Variants in TTLL9 observed in about 807,000 individuals in gnomAD.
TTLL9 encodes the protein tubulin tyrosine ligase like 9.
Under a neutral mutation model 65.6 loss-of-function variants are expected in TTLL9, and 47 were observed. The ratio of observed to expected loss-of-function variants is 0.72; its 90% CI spans 0.57 to 0.91. TTLL9 has a LOEUF of 0.91. Among genes scored for constraint, TTLL9 ranks in the 40% least tolerant of loss-of-function variants. The pLI is 0.00. For missense variants in TTLL9, 537 were observed against 568.8 expected (o/e 0.94, Z 0.57); for synonymous variants, 179 against 204.8 (o/e 0.87, Z 1.07).
In TTLL9 at chr20:31,870,888, C is replaced by T. The variant is rs755741617; in HGVS notation, c.-67C>T. 2.4e-5 allele frequency: 13 copies of T among 552,090 alleles called. No homozygotes were observed. Among genetic ancestry groups the T allele is most frequent in the Admixed American group, 6.5e-5 (2 of 30,668 alleles). The allele number at this position is 552,090 out of a possible 1,614,324, so 34.2% of individuals were successfully genotyped here. A position where few individuals can be genotyped will look rare whatever the true frequency, so the allele number is the denominator to read the frequency against. On this transcript the variant is annotated 5_prime_UTR_variant, in exon 1 of 15. In the 5' UTR this introduces an upstream ATG that the reference lacks. Transcript: ENST00000535842. This position sits in a 1 kb window ranked among gnomAD's most constrained non-coding sequence, Gnocchi z 6.6. ...GCCTCGGCTTCTAGCAGAAACGTGA[C>T]GGGGCTGGACTTTGATCGCCGAGGG...
Position 31,925,363 on chromosome 20 carries a change from A to G in TTLL9, c.705+314A>G, listed in dbSNP as rs189758357. On this transcript the variant is annotated intron_variant, in intron 9 of 14. Transcript: ENST00000535842. Reference sequence around the variant, plus strand: ...GCACTTAGCAGGTTTTATCTCATTCAGGCCTCCTAATAACCCAGGGAGGCA... The same window carrying G: ...GCACTTAGCAGGTTTTATCTCATTCGGGCCTCCTAATAACCCAGGGAGGCA... 2.4e-4 allele frequency among the ~76,000 whole-genome samples: 36 copies of G among 152,304 alleles called. No individual in the cohort carries two copies. In the East Asian group the frequency reaches 5.6e-3, roughly 24 times the overall value.
In TTLL9 at chr20:31,896,237, C is replaced by G. The variant is rs376553867; in HGVS notation, c.114-2236C>G. Among the ~76,000 whole-genome samples the G allele has an allele frequency of 2.0e-4, 30 of 152,130 alleles. 1 individual carries two copies. The highest frequency in any genetic ancestry group is 3.5e-4 in the Non-Finnish European group (24 of 68,006). Reference sequence around the variant, plus strand: ...AAATGATCTGCCCGCCTCAGCCTCCCGAAGAGCTGGGATTATAGGCGTGAG... The same window carrying G: ...AAATGATCTGCCCGCCTCAGCCTCCGGAAGAGCTGGGATTATAGGCGTGAG... On this transcript the variant is annotated intron_variant, in intron 3 of 14. Coordinates refer to ENST00000535842, the MANE Select transcript of TTLL9 (RefSeq NM_001008409.5).
intron 10 of TTLL9, among the ~76,000 whole-genome samples, chr20:31,930,021 G>A (rs141584844): frequency 3.3e-5 from 5 of 152,084 alleles, no homozygotes; most frequent in East Asian, 1.9e-4. Flanking sequence ...CCAGCTACTC[G>A]GGAGGCTGAG....
At chr20:31,941,190 C>T (rs1217302865) in intron 14 of TTLL9, 2 of 146,658 alleles carry the variant, frequency 1.4e-5, no homozygotes, top group Non-Finnish European at 3.0e-5. Flanking sequence ...GCACTCCAGC[C>T]TGGGCGACAG....
chr20:31,895,943 G>A (rs996105006), intron 3 of TTLL9, among the ~76,000 whole-genome samples: 1 of 151,818 alleles, frequency 6.6e-6, no homozygotes. Context: ...GGGTTCAAGC[G>A]ATTCTCCTGC....
intron 14 of TTLL9, chr20:31,941,105 T>C (rs113723068): frequency 2.6e-5 from 4 of 151,668 alleles, no homozygotes; most frequent in Non-Finnish European, 5.9e-5. Context: ...TGTAGTCAGC[T>C]ACTCGGGAGG....
At chr20:31,925,862 C>T (rs1349111395) in intron 9 of TTLL9, 187 bp from the exon 10 acceptor site, 15 of 1,551,412 alleles carry the variant, frequency 9.7e-6, no homozygotes, top group Non-Finnish European at 1.3e-5. Flanking sequence ...CTCTTCCCAC[C>T]TCTGCCTTAG....
chr20:31,892,253 C>T (rs147176560), intron 3 of TTLL9, among the ~76,000 whole-genome samples: 107 of 151,254 alleles, frequency 7.1e-4, no homozygotes, highest in African/African-American at 2.4e-3. Flanking sequence ...GATCTCAGCT[C>T]ACTGCAAACT....
intron 4 of TTLL9, among the ~76,000 whole-genome samples, chr20:31,905,245 G>GT (rs368476632): frequency 2.9e-4 from 44 of 150,972 alleles, no homozygotes; most frequent in East Asian, 9.7e-4. Flanking sequence ...TAGTTTTTGT[G>GT]TTTTTTTTTA....
At chr20:31,899,843 C>A (rs945129885) in intron 4 of TTLL9, among the ~76,000 whole-genome samples, 2 of 151,942 alleles carry the variant, frequency 1.3e-5, no homozygotes, top group Non-Finnish European at 2.9e-5. Flanking sequence ...CGGCTCACTG[C>A]AAGCTCCACC....
intron 6 of TTLL9, among the ~76,000 whole-genome samples, chr20:31,914,916 G>A (rs2063711280): frequency 6.6e-6 from 1 of 152,204 alleles, no homozygotes; most frequent in African/African-American, 2.4e-5. Context: ...CTCTGTTGGA[G>A]GCCTGCAAGG....
chr20:31,894,291 A>G, intron 3 of TTLL9, among the ~76,000 whole-genome samples: 1 of 151,700 alleles, frequency 6.6e-6, no homozygotes, highest in African/African-American at 2.4e-5. Context: ...TTGTGTAGAA[A>G]TGGGGTCTCA....
At chr20:31,939,875 C>G (rs1213885594) in intron 14 of TTLL9, 1 of 152,206 alleles carries the variant, frequency 6.6e-6, no homozygotes, top group Non-Finnish European at 1.5e-5. Flanking sequence ...CTGCCTGGCT[C>G]CAAAACTTGA....
chr20:31,937,507 G>A lies in TTLL9; in HGVS notation c.1116G>A (p.Ala372=), dbSNP rs989875686. 2.5e-6 allele frequency: 4 copies of A among 1,611,456 alleles called. No individual in the cohort carries two copies. Among genetic ancestry groups the A allele is most frequent in the Admixed American group, 1.7e-5 (1 of 59,932 alleles). Residue 372 remains alanine, a splice_region_variant and synonymous_variant, in exon 13 of 15, where the codon GCG becomes GCA. Transcript: ENST00000535842. Reference sequence around the variant, plus strand: ...CCCTGCATGTTGTGGACATGGAAGCGAGGTGAGGGAGGGCAGCCTTGATCA... The same window carrying A: ...CCCTGCATGTTGTGGACATGGAAGCAAGGTGAGGGAGGGCAGCCTTGATCA... ...EDTLHVVDME[A]RLTGREKRVG...
At chr20:31,876,718 A>C (rs1233511275) in intron 2 of TTLL9, among the ~76,000 whole-genome samples, 1 of 152,142 alleles carries the variant, frequency 6.6e-6, no homozygotes, top group Non-Finnish European at 1.5e-5. Flanking sequence ...TGCATTTTCA[A>C]CTTTATGAGA....
intron 4 of TTLL9, among the ~76,000 whole-genome samples, chr20:31,898,959 A>C (rs1462185566): frequency 6.6e-6 from 1 of 152,196 alleles, no homozygotes; most frequent in Non-Finnish European, 1.5e-5. Flanking sequence ...TTCCCTGGCC[A>C]CTTGCTAGTT....
intron 2 of TTLL9, chr20:31,879,797 C>G (rs1298347922): frequency 3.9e-6 from 6 of 1,544,732 alleles, no homozygotes; most frequent in Non-Finnish European, 5.2e-6. Flanking sequence ...CGGATCCAGG[C>G]GCCTGTCTGT....
At chr20:31,912,597 A>ATGTGTG (rs1182980617) in intron 6 of TTLL9, among the ~76,000 whole-genome samples, 5 of 102,586 alleles carry the variant, frequency 4.9e-5, no homozygotes, top group Non-Finnish European at 7.9e-5. Flanking sequence ...GTGTGCGTGT[A>ATGTGTG]TGTGTATGTG....
intron 3 of TTLL9, among the ~76,000 whole-genome samples, chr20:31,890,679 C>T (rs2063297280): frequency 6.6e-6 from 1 of 152,164 alleles, no homozygotes; most frequent in Non-Finnish European, 1.5e-5. Context: ...GGACAGTGGG[C>T]TGAATCCCCC....
Sources: gnomAD v4.1 joint callset for allele counts (sites outside exome capture counted in the v4.1 genomes callset) on GRCh38, gnomAD v4.1.1 for gene constraint, Gnocchi (gnomAD v3.1) non-coding constraint, MANE v1.5 for transcripts, NCBI Gene and HGNC (gene_info 2026-07-23, HGNC 2026-07-21) for gene names.